Variants in CNBD1 observed in about 807,000 individuals in gnomAD.
CNBD1 encodes cyclic nucleotide-binding domain-containing protein 1.
In CNBD1, 71 loss-of-function variants were observed where a neutral mutation model predicts 54.4. The observed-to-expected ratio is 1.30, with a 90% CI of 1.08 to 1.59. The LOEUF (loss-of-function observed/expected upper bound fraction) is 1.59, where lower values mean the gene tolerates loss of function less well. Ranked by LOEUF, CNBD1 falls within the 40% of genes most tolerant of loss-of-function variation. The pLI is 0.00. For missense variants in CNBD1, 659 were observed against 518.0 expected (o/e 1.27, Z -2.64); for synonymous variants, 182 against 170.7 (o/e 1.07, Z -0.51).
intron 4 of CNBD1, among the ~76,000 whole-genome samples, chr8:87,065,873 C>T (rs528647351): frequency 6.6e-6 from 1 of 152,042 alleles, no homozygotes; most frequent in South Asian, 2.1e-4. Flanking sequence ...CTCTAAAGTC[C>T]ATCTTCTTAA....
At chr8:87,135,378 A>G (rs1812207036) in intron 4 of CNBD1, among the ~76,000 whole-genome samples, 1 of 151,792 alleles carries the variant, frequency 6.6e-6, no homozygotes, top group Non-Finnish European at 1.5e-5. Context: ...CTTCAAAAAT[A>G]AACCTCAAAG....
At chr8:87,169,764 T>C (rs1220630347) in intron 4 of CNBD1, among the ~76,000 whole-genome samples, 3 of 152,152 alleles carry the variant, frequency 2.0e-5, no homozygotes, top group African/African-American at 4.8e-5. Context: ...CATTGGTCTA[T>C]GTGTTTGATT....
chr8:87,231,193 T>G (rs2130820768), intron 5 of CNBD1, among the ~76,000 whole-genome samples: 1 of 152,312 alleles, frequency 6.6e-6, no homozygotes, highest in Non-Finnish European at 1.5e-5. Context: ...GGCAGACATA[T>G]ATTTACTTTT....
intron 8 of CNBD1, among the ~76,000 whole-genome samples, chr8:87,287,043 C>T (rs936913089): frequency 6.6e-6 from 1 of 151,984 alleles, no homozygotes; most frequent in Non-Finnish European, 1.5e-5. Flanking sequence ...TTCCTTTTTC[C>T]TGGGTGGATA....
chr8:87,297,340 C>T (rs962952580), intron 8 of CNBD1, among the ~76,000 whole-genome samples: 3 of 151,892 alleles, frequency 2.0e-5, no homozygotes, highest in African/African-American at 7.3e-5. Context: ...ACACTTACAG[C>T]GTATCTCTAT....
chr8:87,366,789 G>A (rs1358682489), intron 10 of CNBD1, among the ~76,000 whole-genome samples: 3 of 152,072 alleles, frequency 2.0e-5, no homozygotes, highest in Non-Finnish European at 4.4e-5. Context: ...CTGCTATGAG[G>A]CAGCATGGGG....
chr8:87,198,540 A>G lies in CNBD1; in HGVS notation c.432-7453A>G, dbSNP rs537772090. Among the ~76,000 whole-genome samples, 37 of 152,364 alleles carry G rather than the reference A, an allele frequency of 2.4e-4. 1 individual carries two copies. The highest frequency in any genetic ancestry group is 8.7e-4 in the African/African-American group (36 of 41,598). ...CCGAGGACATTCAAATGCTGAACTT[A>G]GCAGACAAAGATTTTAAATCAACTA... On this transcript the variant is annotated intron_variant, in intron 4 of 10. Coordinates refer to ENST00000518476, the MANE Select transcript of CNBD1 (RefSeq NM_173538.3).
At chr8:87,318,317 A>T (rs1424715388) in intron 8 of CNBD1, among the ~76,000 whole-genome samples, 1 of 152,032 alleles carries the variant, frequency 6.6e-6, no homozygotes, top group African/African-American at 2.4e-5. Flanking sequence ...AAATATGTAT[A>T]AGTTTTCTTG....
chr8:86,930,960 A>C (rs1809447009), intron 3 of CNBD1, among the ~76,000 whole-genome samples: 1 of 152,154 alleles, frequency 6.6e-6, no homozygotes, highest in Admixed American at 6.5e-5. Flanking sequence ...TCCAAGTCCT[A>C]GACTTCAGGG....
intron 10 of CNBD1, among the ~76,000 whole-genome samples, chr8:87,361,158 T>A (rs902905905): frequency 4.6e-5 from 7 of 151,932 alleles, no homozygotes; most frequent in African/African-American, 1.4e-4. Context: ...AAGTTAAAAA[T>A]AAGATAGGGC....
At chr8:87,021,566 A>G (rs2130577553) in intron 4 of CNBD1, among the ~76,000 whole-genome samples, 1 of 152,336 alleles carries the variant, frequency 6.6e-6, no homozygotes, top group East Asian at 1.9e-4. Flanking sequence ...TTATACCAGT[A>G]GTTCTCAGCT....
In CNBD1 at chr8:87,326,683, G is replaced by C. The variant is rs1353678656; in HGVS notation, c.1043-25002G>C. Among the ~76,000 whole-genome samples the C allele has an allele frequency of 1.6e-4, 16 of 99,300 alleles. 1 individual carries two copies. Among genetic ancestry groups the C allele is most frequent in the African/African-American group, 6.1e-4 (16 of 26,156 alleles). The allele number at this position is 99,300 out of a possible 152,430, so 65.1% of individuals were successfully genotyped here. ...CTCCTTTAAGCACTTCTCTGTATTG[G>C]TTATTCTAGTTATACATTCTTCTAA... On this transcript the variant is annotated intron_variant, in intron 8 of 10. Transcript: ENST00000518476.
In CNBD1 at chr8:87,118,304, G is replaced by A. The variant is rs112066037; in HGVS notation, c.432-87689G>A. On this transcript the variant is annotated intron_variant, in intron 4 of 10. Transcript: ENST00000518476. The stretch of plus-strand genomic sequence containing the variant: ...CCCTCCAGCCTGGGCGACAGAGCGA[G>A]ACTCTGTCTCAAAAAAAAAAAAAAA... Among the ~76,000 whole-genome samples, 453 of 103,728 alleles carry A rather than the reference G, an allele frequency of 4.4e-3. 3 individuals are homozygous for A. Among genetic ancestry groups the A allele is most frequent in the African/African-American group, 0.017 (418 of 24,428 alleles). 68.0% of individuals were successfully genotyped at this position (103,728 alleles called of 152,430 possible). A position where few individuals can be genotyped will look rare whatever the true frequency, so the allele number is the denominator to read the frequency against.
chr8:86,946,535 G>A (rs769037205), intron 4 of CNBD1, among the ~76,000 whole-genome samples: 8 of 152,084 alleles, frequency 5.3e-5, no homozygotes, highest in Middle Eastern at 3.4e-3. Context: ...CTTGTTTTCG[G>A]TGACATAGTT....
intron 8 of CNBD1, among the ~76,000 whole-genome samples, chr8:87,294,747 C>G (rs1261138358): frequency 6.6e-6 from 1 of 152,184 alleles, no homozygotes; most frequent in Non-Finnish European, 1.5e-5. Context: ...CTGCCATCTG[C>G]AAATGTTCCC....
At chr8:87,388,795 C>CA (rs1438039156) in intron 2 of CNBD1, among the ~76,000 whole-genome samples, 1 of 151,968 alleles carries the variant, frequency 6.6e-6, no homozygotes, top group African/African-American at 2.4e-5. Flanking sequence ...AGAGACACAA[C>CA]AAAAAAAGAC....
At chr8:87,332,535 C>T (rs923725234) in intron 8 of CNBD1, among the ~76,000 whole-genome samples, 1 of 152,038 alleles carries the variant, frequency 6.6e-6, no homozygotes, top group Non-Finnish European at 1.5e-5. Flanking sequence ...AGTCTTTAAT[C>T]CATCTTGAGT....
chr8:87,272,997 G>T (rs7825722), intron 6 of CNBD1, among the ~76,000 whole-genome samples: 42,685 of 151,532 alleles, frequency 0.28, 6,455 homozygotes, highest in African/African-American at 0.39. Flanking sequence ...GTATGGAGGG[G>T]CAATTCTACC....
At chr8:87,384,426 C>T (rs1811145021), downstream of CNBD1, among the ~76,000 whole-genome samples, 1 of 151,914 alleles carries the variant, frequency 6.6e-6, no homozygotes, top group Admixed American at 6.6e-5. Context: ...ATACTTCAGG[C>T]AGTGGTAAGT....
Sources: allele counts gnomAD v4.1 joint callset (sites outside exome capture counted in the v4.1 genomes callset), GRCh38; gene constraint gnomAD v4.1.1; transcripts MANE v1.5; gene names NCBI Gene and HGNC (gene_info 2026-07-23, HGNC 2026-07-21).